The following PLEKHA3 variants were observed in gnomAD, a reference collection of about 807,000 sequenced individuals.
PLEKHA3 encodes pleckstrin homology domain containing A3, also known as pleckstrin homology domain-containing family A member 3.
In PLEKHA3, 19 loss-of-function variants were observed where a neutral mutation model predicts 39.2. The observed-to-expected ratio is 0.48, with a 90% CI of 0.34 to 0.71. The LOEUF (loss-of-function observed/expected upper bound fraction) is 0.71, where lower values mean the gene tolerates loss of function less well. Among genes scored for constraint, PLEKHA3 ranks in the 30% least tolerant of loss-of-function variants. The pLI, the probability that PLEKHA3 is intolerant of heterozygous loss-of-function variation, is 0.01. For missense variants in PLEKHA3, 253 were observed against 359.5 expected (o/e 0.70, Z 2.40); for synonymous variants, 97 against 118.6 (o/e 0.82, Z 1.18).
chr2:178,503,693 G>A (rs1685565199), intron 7 of PLEKHA3, 67 bp from the exon 8 acceptor site: 14 of 1,507,572 alleles, frequency 9.3e-6, no homozygotes, highest in Non-Finnish European at 9.1e-6. Flanking sequence ...AATTTAAAAT[G>A]TTCTTTCACA....
At chr2:178,487,883 A>G (rs1685276326) in intron 2 of PLEKHA3, among the ~76,000 whole-genome samples, 2 of 152,178 alleles carry the variant, frequency 1.3e-5, no homozygotes, top group Non-Finnish European at 2.9e-5. Flanking sequence ...AAAATTCGGA[A>G]TATTTCTGGT....
chr2:178,495,245 G>T (rs911169493), intron 4 of PLEKHA3, among the ~76,000 whole-genome samples: 5 of 152,234 alleles, frequency 3.3e-5, no homozygotes, highest in South Asian at 2.1e-4. Flanking sequence ...TAAATGCAAA[G>T]CTTATTTTTT....
chr2:178,503,905 A>G lies in PLEKHA3; in HGVS notation c.*18A>G, dbSNP rs776436960. The G allele has an allele frequency of 1.9e-6, 3 of 1,610,168 alleles. No homozygotes were observed. The highest frequency in any genetic ancestry group is 2.5e-6 in the Non-Finnish European group (3 of 1,177,216). On this transcript the variant is annotated 3_prime_UTR_variant, in exon 8 of 8. Coordinates refer to ENST00000234453, the MANE Select transcript of PLEKHA3 (RefSeq NM_019091.4). ...CTTCCTGAAGAAACTGAAGTGTCCA[A>G]CTTCCTCTAAGTATTGCTATGCAAA...
chr2:178,488,967 G>A (rs192200382), intron 2 of PLEKHA3: 175 of 459,148 alleles, frequency 3.8e-4, no homozygotes, highest in Non-Finnish European at 5.1e-4. Context: ...TGCCTTTTCA[G>A]GTGACAACTT....
intron 3 of PLEKHA3, among the ~76,000 whole-genome samples, 196 bp downstream of exon 3, chr2:178,491,010 C>CTTTTTTTTTTTTTTTTTTTTT (rs1204723389): frequency 3.9e-5 from 5 of 129,536 alleles, no homozygotes; most frequent in African/African-American, 1.5e-4. Flanking sequence ...CTCTTTCTTT[C>CTTTTTTTTTTTTTTTTTTTTT]TTTTTTTTTT....
chr2:178,482,215 G>A (rs981022060), intron 1 of PLEKHA3, among the ~76,000 whole-genome samples: 1 of 152,128 alleles, frequency 6.6e-6, no homozygotes, highest in Non-Finnish European at 1.5e-5. Context: ...CATTGTGAGA[G>A]CAGTTATACT....
intron 5 of PLEKHA3, among the ~76,000 whole-genome samples, chr2:178,497,510 G>C (rs955128733): frequency 6.6e-6 from 1 of 152,312 alleles, no homozygotes; most frequent in African/African-American, 2.4e-5. Flanking sequence ...GATTACAGGC[G>C]TGAGACACTG....
intron 2 of PLEKHA3, among the ~76,000 whole-genome samples, chr2:178,490,442 C>T (rs1685325855): frequency 6.6e-6 from 1 of 152,188 alleles, no homozygotes; most frequent in Non-Finnish European, 1.5e-5. Flanking sequence ...ACTCTGTCAT[C>T]GCTTTGGCAC....
rs1685708667 is a variant in PLEKHA3 at position 178,512,853 on chromosome 2, A to G, written c.*8966A>G. ...AAAGCAATACCTGAGTTATTAAGCA[A>G]TCATTTAGACAGTATGAATAAACCA... On this transcript the variant is annotated 3_prime_UTR_variant, in exon 8 of 8. Transcript: ENST00000234453. The G allele has an allele frequency of 6.5e-6, 1 of 153,746 alleles. No individual in the cohort carries two copies. 9.5% of individuals were successfully genotyped at this position (153,746 alleles called of 1,614,324 possible). A position where few individuals can be genotyped will look rare whatever the true frequency, so the allele number is the denominator to read the frequency against.
intron 2 of PLEKHA3, among the ~76,000 whole-genome samples, chr2:178,487,740 G>A (rs2154127626): frequency 6.6e-6 from 1 of 152,230 alleles, no homozygotes; most frequent in East Asian, 1.9e-4. Context: ...CACTGTGCCT[G>A]GCCAATAATC....
At chr2:178,496,603 C>T (rs1335301079) in intron 5 of PLEKHA3, among the ~76,000 whole-genome samples, 1 of 152,192 alleles carries the variant, frequency 6.6e-6, no homozygotes, top group Non-Finnish European at 1.5e-5. Context: ...TCCTCTGAGG[C>T]AAGCGTACCA....
chr2:178,490,450 C>T (rs1038515957), intron 2 of PLEKHA3, among the ~76,000 whole-genome samples: 1 of 152,218 alleles, frequency 6.6e-6, no homozygotes, highest in Non-Finnish European at 1.5e-5. Flanking sequence ...ATCGCTTTGG[C>T]ACCATTGTTA....
At chr2:178,489,858 A>G (rs961187786) in intron 2 of PLEKHA3, among the ~76,000 whole-genome samples, 11 of 152,150 alleles carry the variant, frequency 7.2e-5, no homozygotes. Flanking sequence ...AGAGTTAAAC[A>G]TATGTGTATT....
At chr2:178,497,595 G>A (rs1168959092) in intron 5 of PLEKHA3, among the ~76,000 whole-genome samples, 1 of 152,130 alleles carries the variant, frequency 6.6e-6, no homozygotes, top group Non-Finnish European at 1.5e-5. Context: ...AACATAGTTT[G>A]ACAATGTTGC....
intron 2 of PLEKHA3, among the ~76,000 whole-genome samples, chr2:178,489,952 ATCTTC>A (rs1457719943): frequency 6.6e-6 from 1 of 152,074 alleles, no homozygotes; most frequent in Non-Finnish European, 1.5e-5. Flanking sequence ...CTTCCCCTCT[ATCTTC>A]TCTTCTACTA....
At chr2:178,488,297 T>C (rs1167967146) in intron 2 of PLEKHA3, among the ~76,000 whole-genome samples, 3 of 152,264 alleles carry the variant, frequency 2.0e-5, no homozygotes, top group African/African-American at 7.2e-5. Context: ...ATTTTGTTCA[T>C]GATACCTTTT....
chr2:178,500,110 AT>A (rs1685507184), intron 6 of PLEKHA3, among the ~76,000 whole-genome samples: 1 of 152,126 alleles, frequency 6.6e-6, no homozygotes, highest in Non-Finnish European at 1.5e-5. Flanking sequence ...TTAAACTATT[AT>A]TTTGTTAGGT....
rs1335001640 is a variant in PLEKHA3, at chr2:178,480,786, G to GAGGGGCTGCCCCAGGCCCTGC, written c.-83_-63dup. On this transcript the variant is annotated 5_prime_UTR_variant, in exon 1 of 8. Transcript: ENST00000234453. ...GGCGGAGGGGGCCCGGGCGGGCCGGGAGGGGCTGCCCCAGGCCCTGCGCCT... is the reference window on the plus strand; with the variant it reads ...GGCGGAGGGGGCCCGGGCGGGCCGGGAGGGGCTGCCCCAGGCCCTGCAGGGGCTGCCCCAGGCCCTGCGCCT... The GAGGGGCTGCCCCAGGCCCTGC allele has an allele frequency of 1.5e-5, 18 of 1,212,670 alleles. No individual in the cohort carries two copies. The highest frequency in any genetic ancestry group is 3.5e-5 in the Admixed American group (1 of 28,630). The allele number at this position is 1,212,670 out of a possible 1,614,324, so 75.1% of individuals were successfully genotyped here.
chr2:178,485,074 A>C (rs1685227687), intron 1 of PLEKHA3, among the ~76,000 whole-genome samples: 1 of 152,214 alleles, frequency 6.6e-6, no homozygotes, highest in Admixed American at 6.5e-5. Flanking sequence ...GTTTGCTTAG[A>C]AATATGTATT....
Sources: allele counts gnomAD v4.1 joint callset (sites outside exome capture counted in the v4.1 genomes callset), GRCh38; gene constraint gnomAD v4.1.1; transcripts MANE v1.5; gene names NCBI Gene and HGNC (gene_info 2026-07-23, HGNC 2026-07-21).